CHODL: variants seen among roughly 807,000 people sequenced by gnomAD.
The protein encoded by CHODL is transmembrane protein MT75.
Under a neutral mutation model 34.5 loss-of-function variants are expected in CHODL, and 29 were observed. The observed-to-expected ratio is 0.84, with a 90% CI of 0.63 to 1.15. The LOEUF (loss-of-function observed/expected upper bound fraction) is 1.15. CHODL is among the 50% of genes most tolerant of loss of function. CHODL has a pLI of 0.00. For synonymous variants in CHODL, 125 were observed against 116.1 expected, an observed-to-expected ratio of 1.08 and a Z score of -0.49; for missense variants, 332 against 332.5, an observed-to-expected ratio of 1.00 and a Z score of 0.01.
At chr21:18,000,034 TTC>T (rs2063890756) in intron 1 of CHODL, among the ~76,000 whole-genome samples, 1 of 152,158 alleles carries the variant, frequency 6.6e-6, no homozygotes, top group Non-Finnish European at 1.5e-5. Flanking sequence ...TCCAAAGAAA[TTC>T]TCTCTCAAAT....
intron 1 of CHODL, among the ~76,000 whole-genome samples, chr21:18,013,515 T>A (rs545226661): frequency 7.9e-5 from 12 of 152,206 alleles, no homozygotes; most frequent in African/African-American, 2.9e-4. Flanking sequence ...TTTGATGAAA[T>A]TTTTAAGACA....
intron 2 of CHODL, among the ~76,000 whole-genome samples, chr21:18,238,948 G>T (rs913223822): frequency 6.6e-6 from 1 of 152,024 alleles, no homozygotes; most frequent in Non-Finnish European, 1.5e-5. Flanking sequence ...TGATAATTTT[G>T]TAGCTCTCTG....
intron 2 of CHODL, among the ~76,000 whole-genome samples, chr21:18,057,220 A>G (rs1290317326): frequency 1.3e-5 from 2 of 152,082 alleles, no homozygotes; most frequent in Non-Finnish European, 2.9e-5. Flanking sequence ...TCTAGCATTC[A>G]TGTGGCTATT....
intron 2 of CHODL, among the ~76,000 whole-genome samples, chr21:18,052,842 T>C (rs1201617530): frequency 1.3e-5 from 2 of 151,888 alleles, no homozygotes; most frequent in African/African-American, 4.8e-5. Flanking sequence ...TTTGTTAACA[T>C]GAGTTTCAGG....
intron 2 of CHODL, among the ~76,000 whole-genome samples, chr21:18,137,581 A>T (rs930226094): frequency 6.6e-6 from 1 of 152,202 alleles, no homozygotes; most frequent in Admixed American, 6.5e-5. Context: ...CTCAACCTTT[A>T]TGCTATACCA....
At chr21:18,007,248 G>T (rs895891406) in intron 1 of CHODL, among the ~76,000 whole-genome samples, 2 of 152,186 alleles carry the variant, frequency 1.3e-5, no homozygotes, top group Non-Finnish European at 2.9e-5. Flanking sequence ...ATGTAGAGGT[G>T]GGCACAGGAT....
chr21:18,249,074 AAT>A (rs542982184), intron 1 of CHODL, among the ~76,000 whole-genome samples: 4,192 of 122,852 alleles, frequency 0.034, 187 homozygotes, highest in African/African-American at 0.11. Context: ...TACTATATAT[AAT>A]ATATATATAA....
intron 1 of CHODL, among the ~76,000 whole-genome samples, chr21:17,992,869 G>A (rs1023957694): frequency 1.3e-5 from 2 of 151,924 alleles, no homozygotes; most frequent in Non-Finnish European, 2.9e-5. Context: ...GGTCAGACTG[G>A]TCTGAAACTC....
intron 1 of CHODL, among the ~76,000 whole-genome samples, chr21:18,253,072 T>C (rs1000603075): frequency 3.3e-5 from 5 of 152,180 alleles, no homozygotes; most frequent in African/African-American, 1.2e-4. Flanking sequence ...AATTTCCACA[T>C]GAAACCTAAA....
intron 1 of CHODL, among the ~76,000 whole-genome samples, chr21:17,932,609 G>A (rs1013168261): frequency 6.7e-6 from 1 of 149,828 alleles, no homozygotes; most frequent in Non-Finnish European, 1.5e-5. Context: ...ATATACTCCC[G>A]TGAAATGCCA....
At chr21:18,176,671 A>G (rs953396732) in intron 2 of CHODL, among the ~76,000 whole-genome samples, 3 of 152,198 alleles carry the variant, frequency 2.0e-5, no homozygotes, top group Non-Finnish European at 4.4e-5. Flanking sequence ...ACTATTGCAG[A>G]AAAGTATGCT....
At chr21:18,241,797 T>C (rs1007382407), upstream of CHODL, among the ~76,000 whole-genome samples, 7 of 152,208 alleles carry the variant, frequency 4.6e-5, no homozygotes, top group Admixed American at 2.0e-4. Context: ...TTTGAAAACG[T>C]TGGATTCCAA....
chr21:17,977,456 T>C (rs2591643), intron 1 of CHODL, among the ~76,000 whole-genome samples: 62,522 of 148,258 alleles, frequency 0.42, 13,456 homozygotes, highest in East Asian at 0.64. Context: ...ACCTCCGCCT[T>C]CGGAGTTCAA....
intron 2 of CHODL, among the ~76,000 whole-genome samples, chr21:18,195,752 A>G (rs2073579604): frequency 6.6e-6 from 1 of 152,230 alleles, no homozygotes; most frequent in South Asian, 2.1e-4. Context: ...AGCAAACTTA[A>G]TGAAAGCAGG....
intron 2 of CHODL, among the ~76,000 whole-genome samples, chr21:18,165,732 A>G (rs1405221679): frequency 1.3e-5 from 2 of 152,218 alleles, no homozygotes; most frequent in Non-Finnish European, 2.9e-5. Context: ...TCACAAAAAT[A>G]TTCTATCTTT....
chr21:18,068,318 T>C (rs1182276648), intron 2 of CHODL, among the ~76,000 whole-genome samples: 2 of 151,918 alleles, frequency 1.3e-5, no homozygotes, highest in Admixed American at 1.3e-4. Context: ...TGCCTCAGCC[T>C]ACCAAGTAGC....
intron 1 of CHODL, among the ~76,000 whole-genome samples, chr21:17,961,951 A>G (rs2063535253): frequency 6.6e-6 from 1 of 152,192 alleles, no homozygotes; most frequent in Non-Finnish European, 1.5e-5. Flanking sequence ...GCCACATCAA[A>G]AGGGCTTGAG....
intron 2 of CHODL, among the ~76,000 whole-genome samples, chr21:18,170,234 C>T (rs2073210964): frequency 6.6e-6 from 1 of 151,640 alleles, no homozygotes; most frequent in South Asian, 2.1e-4. Flanking sequence ...ATAAGTATAC[C>T]CACTGCTGTT....
At chr21:18,210,422 CT>C (rs761103684) in intron 2 of CHODL, among the ~76,000 whole-genome samples, 3 of 152,182 alleles carry the variant, frequency 2.0e-5, no homozygotes, top group Non-Finnish European at 4.4e-5. Flanking sequence ...TCAGTGACTC[CT>C]TCAGCGATAT....
Sources: gnomAD v4.1 joint callset for allele counts (sites outside exome capture counted in the v4.1 genomes callset) on GRCh38, gnomAD v4.1.1 for gene constraint, MANE v1.5 for transcripts, NCBI Gene and HGNC (gene_info 2026-07-23, HGNC 2026-07-21) for gene names.